Variants in TLE6 observed in about 807,000 individuals in gnomAD.
TLE6 encodes TLE family member 6, subcortical maternal complex member.
A neutral mutation model predicts 77.1 loss-of-function variants in TLE6; 72 were observed. That is an observed-to-expected ratio of 0.93 (90% CI 0.77 to 1.14). TLE6 has a LOEUF of 1.14. Ranked by LOEUF, TLE6 falls within the 50% of genes most tolerant of loss-of-function variation. The pLI, the probability that TLE6 is intolerant of heterozygous loss-of-function variation, is 0.00. For missense variants in TLE6, 843 were observed against 747.6 expected (o/e 1.13, Z -1.49); for synonymous variants, 366 against 287.3 (o/e 1.27, Z -2.77).
At chr19:2,990,648 T>A (rs897873786) in intron 13 of TLE6, among the ~76,000 whole-genome samples, 7 of 139,020 alleles carry the variant, frequency 5.0e-5, no homozygotes, top group East Asian at 2.0e-4. Flanking sequence ...TAAATATATA[T>A]ATAAATACAT....
Position 2,994,886 on chromosome 19 carries a change from T to G in TLE6, c.1615-14T>G, listed in dbSNP as rs754073462. Reference sequence around the variant, plus strand: ...AGCCCTACCCCAGCTCACTGCCCACTGCCCCCCCTCCAGGTGCCTGAGATG... The same window carrying G: ...AGCCCTACCCCAGCTCACTGCCCACGGCCCCCCCTCCAGGTGCCTGAGATG... On this transcript the variant is annotated splice_polypyrimidine_tract_variant and intron_variant, in intron 16 of 16. Transcript: ENST00000246112. 3 of 1,554,402 alleles carry G rather than the reference T, an allele frequency of 1.9e-6. No individual in the cohort carries two copies. Among genetic ancestry groups the G allele is most frequent in the Non-Finnish European group, 2.6e-6 (3 of 1,139,394 alleles).
chr19:2,978,198 ACT>A lies in TLE6; in HGVS notation c.-33_-32del. 6.5e-7 allele frequency: 1 copy of A among 1,549,512 alleles called. No individual in the cohort carries two copies. The highest frequency in any genetic ancestry group is 8.7e-7 in the Non-Finnish European group (1 of 1,145,726). On this transcript the variant is annotated splice_region_variant and 5_prime_UTR_variant, in exon 2 of 17. Coordinates refer to ENST00000246112, the MANE Select transcript of TLE6 (RefSeq NM_001143986.2). ...ACCTGCCGTCTCCTTGTTGTTTTAG[ACT>A]CTGGCTAAAGTCTTGGAGGCTACTG...
At chr19:2,978,985 A>C (rs901494066) in intron 2 of TLE6, among the ~76,000 whole-genome samples, 2 of 152,072 alleles carry the variant, frequency 1.3e-5, no homozygotes, top group African/African-American at 2.4e-5. Context: ...ACGGAGTCTC[A>C]CACTCACCTC....
Position 2,982,183 on chromosome 19 carries a change from C to G in TLE6, c.216C>G (p.His72Gln). 1 of 1,551,384 alleles carries G rather than the reference C, an allele frequency of 6.4e-7. No homozygotes were observed. The highest frequency in any genetic ancestry group is 8.7e-7 in the Non-Finnish European group (1 of 1,146,944). The change falls in exon 5 of 17, where the codon CAC (histidine) becomes CAG (glutamine). Residue 72 changes from histidine to glutamine, a missense_variant. His to Gln is a conservative substitution (Grantham distance 24, BLOSUM62 0). Coordinates refer to ENST00000246112, the MANE Select transcript of TLE6 (RefSeq NM_001143986.2). ...TCCAGCAGGATGTGGCAGAACATCA[C>G]AAGCAGGTGGGTGACCAGGAGCTCA... The part of the protein sequence containing the change: ...HKIQQDVAEH[H>Q]KQIGNVLQIV...
At chr19:2,984,715 G>A (rs562238095) in intron 5 of TLE6, among the ~76,000 whole-genome samples, 3 of 152,034 alleles carry the variant, frequency 2.0e-5, no homozygotes, top group African/African-American at 7.2e-5. Flanking sequence ...TGATCCGCCC[G>A]CCTCAGCCTC....
intron 11 of TLE6, 34 bp from the exon 12 acceptor site, chr19:2,989,027 G>A: frequency 6.2e-7 from 1 of 1,605,668 alleles, no homozygotes; most frequent in Non-Finnish European, 8.5e-7. Context: ...GGGCTCACAA[G>A]CAGGTCAGTT....
chr19:2,988,048 G>A, intron 10 of TLE6, 43 bp from the exon 11 acceptor site: 1 of 1,560,428 alleles, frequency 6.4e-7, no homozygotes, highest in Non-Finnish European at 8.7e-7. Context: ...GGGCACAGAT[G>A]TGCGGGGAGG....
chr19:2,980,257 G>C, intron 3 of TLE6, 75 bp downstream of exon 3: 1 of 1,314,960 alleles, frequency 7.6e-7, no homozygotes, highest in Non-Finnish European at 1.1e-6. Context: ...GGGGGTCCTA[G>C]TGAGTGGTCT....
At chr19:2,988,673 A>G (rs766076913) in intron 11 of TLE6, among the ~76,000 whole-genome samples, 4 of 152,082 alleles carry the variant, frequency 2.6e-5, no homozygotes, top group Admixed American at 2.6e-4. Context: ...AGACTTTTTC[A>G]TGGAAGGGGA....
In TLE6 at chr19:2,987,168, C is replaced by A. The variant is rs2088931287; in HGVS notation, c.471C>A (p.Asp157Glu). ...ACAAGGAGCCTTGGTTTTGGCACGA[C>A]ACTCTGACCGAGCAACTCTGGCGGA... Reference protein sequence around the residue: ...FWDKEPWFWHDTLTEQLWRIF... With the variant: ...FWDKEPWFWHETLTEQLWRIF... The change falls in exon 7 of 17, where the codon GAC (aspartate) becomes GAA (glutamate). Residue 157 changes from aspartate (D) to glutamate (E), a missense_variant. Physicochemically the swap from Asp to Glu is conservative, Grantham distance 45. Transcript: ENST00000246112. 6.2e-7 allele frequency: 1 copy of A among 1,614,118 alleles called. No individual in the cohort carries two copies.
intron 2 of TLE6, among the ~76,000 whole-genome samples, chr19:2,978,904 C>T (rs371978617): frequency 2.0e-5 from 3 of 152,128 alleles, no homozygotes; most frequent in Admixed American, 6.6e-5. Context: ...GCTGAGCAGA[C>T]GTTTTTTTTT....
At chr19:2,980,660 C>T (rs1230316237) in intron 3 of TLE6, among the ~76,000 whole-genome samples, 1 of 151,016 alleles carries the variant, frequency 6.6e-6, no homozygotes, top group Admixed American at 6.6e-5. Context: ...CTCTTGAACC[C>T]AGGAGGCGGA....
intron 5 of TLE6, among the ~76,000 whole-genome samples, chr19:2,983,351 C>T (rs1017329939): frequency 1.3e-4 from 19 of 151,868 alleles, no homozygotes; most frequent in East Asian, 7.8e-4. Flanking sequence ...CTGGGCAAGG[C>T]GGGGGATGGA....
At position 2,987,971 on chromosome 19, in the gene TLE6, C is replaced by T. The variant is rs141862660; in HGVS notation, c.699C>T (p.Val233=). ...ACAGGAACACAAGTTGGGGTGTGGT[C>T]CAGGTGAGACCCAGGCCCGAGCTGG... The part of the protein sequence containing the change: ...SQDRNTSWGV[V]QEPPGRASRF... Residue 233 remains valine (V), a synonymous_variant, in exon 10 of 17, where the codon GTC becomes GTT. Coordinates refer to ENST00000246112, the MANE Select transcript of TLE6 (RefSeq NM_001143986.2). 167 of 1,609,992 alleles carry T rather than the reference C, an allele frequency of 1.0e-4. No homozygotes were observed. The African/African-American group carries it at 1.4e-3, about 13-fold the overall frequency.
At chr19:2,979,962 T>TG (rs2088762696) in intron 2 of TLE6, 138 bp from the exon 3 acceptor site, 1 of 384,068 alleles carries the variant, frequency 2.6e-6, no homozygotes, top group African/African-American at 3.4e-5. Context: ...AGACTCGGTT[T>TG]CCAAAAAAAA....
intron 5 of TLE6, among the ~76,000 whole-genome samples, chr19:2,982,994 G>A (rs373904758): frequency 1.3e-5 from 2 of 152,062 alleles, no homozygotes; most frequent in African/African-American, 4.8e-5. Flanking sequence ...AGCCCAGGGC[G>A]CCTGGCCCAA....
At chr19:2,981,858 G>A (rs189264297) in intron 4 of TLE6, among the ~76,000 whole-genome samples, 1 of 152,158 alleles carries the variant, frequency 6.6e-6, no homozygotes, top group African/African-American at 2.4e-5. Flanking sequence ...TGTACTCCCA[G>A]CTACTCGGGA....
chr19:2,981,482 C>A (rs1484921482), intron 3 of TLE6, 56 bp from the exon 4 acceptor site: 1 of 1,540,192 alleles, frequency 6.5e-7, no homozygotes, highest in African/African-American at 1.4e-5. Flanking sequence ...GGGGCTCACT[C>A]TGGGGAGGGA....
intron 2 of TLE6, among the ~76,000 whole-genome samples, chr19:2,979,055 G>A (rs972951494): frequency 3.3e-5 from 5 of 152,098 alleles, no homozygotes; most frequent in Middle Eastern, 3.2e-3. Context: ...GGGTTCAAGT[G>A]ATTCTCCTGC....
Sources: allele counts gnomAD v4.1 joint callset (sites outside exome capture counted in the v4.1 genomes callset), GRCh38; gene constraint gnomAD v4.1.1; transcripts MANE v1.5; gene names NCBI Gene and HGNC (gene_info 2026-07-23, HGNC 2026-07-21).